Variants in AHNAK observed in about 807,000 individuals in gnomAD.
AHNAK encodes the protein neuroblast differentiation-associated protein AHNAK.
AHNAK carries 23 observed loss-of-function variants against 37.8 expected under a neutral mutation model. That is an observed-to-expected ratio of 0.61 (90% CI 0.44 to 0.86). The LOEUF is 0.86. Among genes scored for constraint, AHNAK ranks in the 40% least tolerant of loss-of-function variants. The pLI is 0.00. For synonymous variants in AHNAK, 2,481 were observed against 2,636.3 expected (o/e 0.94, Z 1.80); for missense variants, 7,411 against 7,319.4 (o/e 1.01, Z -0.46).
Position 62,528,443 on chromosome 11 carries a change from G to A in AHNAK, c.5974C>T (p.Pro1992Ser), listed in dbSNP as rs1940591758. The A allele has an allele frequency of 6.2e-7, 1 of 1,613,478 alleles. No homozygotes were observed. Reference sequence around the variant, plus strand: ...CCTTTCAGGTGTAAGTCCACATCAGGCATGGAGATCTTGGGGGTCTTGAAG... The same window carrying A: ...CCTTTCAGGTGTAAGTCCACATCAGACATGGAGATCTTGGGGGTCTTGAAG... The part of the protein sequence containing the change: ...MHFKTPKISM[P>S]DVDLHLKGPK... Residue 1992 changes from proline to serine, a missense_variant, in exon 5 of 5, where the codon CCT (proline) becomes TCT (serine). Transcript: ENST00000378024.
chr11:62,440,944 T>C (rs934023170), intron 5 of AHNAK, among the ~76,000 whole-genome samples: 2 of 151,974 alleles, frequency 1.3e-5, no homozygotes, highest in Non-Finnish European at 2.9e-5. Context: ...GACAGGTGGA[T>C]CTCTTGAGCT....
chr11:62,434,280 G>C (rs539542693), intron 5 of AHNAK, among the ~76,000 whole-genome samples: 2 of 152,264 alleles, frequency 1.3e-5, no homozygotes, highest in East Asian at 3.9e-4. Context: ...CAGCCATTAA[G>C]AAATCCCTTT....
At chr11:62,515,898 G>C, downstream of AHNAK, 1 of 1,134,228 alleles carries the variant, frequency 8.8e-7, no homozygotes, top group African/African-American at 1.6e-5. Flanking sequence ...AAAGGCACAA[G>C]ACATCAAGGT....
At chr11:62,492,302 G>A (rs1180964804) in intron 4 of AHNAK, among the ~76,000 whole-genome samples, 2 of 152,138 alleles carry the variant, frequency 1.3e-5, no homozygotes, top group Non-Finnish European at 2.9e-5. Context: ...GATACTGCGG[G>A]GCAGGGGTTC....
At chr11:62,466,480 T>A (rs1344042070) in intron 5 of AHNAK, among the ~76,000 whole-genome samples, 1 of 151,556 alleles carries the variant, frequency 6.6e-6, no homozygotes, top group East Asian at 1.9e-4. Context: ...TTTTTTTTTT[T>A]TTTTTTTTTT....
chr11:62,495,737 C>CA (rs1156362722), intron 4 of AHNAK, among the ~76,000 whole-genome samples: 2,904 of 67,328 alleles, frequency 0.043, 45 homozygotes, highest in Non-Finnish European at 0.066. Context: ...GACTCCGTCT[C>CA]AAAAAAAAAA....
Position 62,533,982 on chromosome 11 carries a change from C to A in AHNAK, c.435G>T (p.Glu145Asp). The A allele has an allele frequency of 6.2e-7, 1 of 1,609,584 alleles. No homozygotes were observed. Among genetic ancestry groups the A allele is most frequent in the Non-Finnish European group, 8.5e-7 (1 of 1,177,084 alleles). ...SEDGVEGDLG[E>D]TQSRTITVTR... The stretch of plus-strand genomic sequence containing the variant: ...TCACTGTGATGGTACGGCTCTGGGT[C>A]TCCCCGAGGTCTCCTTCCACTCCAT... Residue 145 changes from glutamate (E) to aspartate (D), a missense_variant, in exon 5 of 5, where the codon GAG becomes GAT. Coordinates refer to ENST00000378024, the MANE Select transcript of AHNAK (RefSeq NM_001620.3).
intron 1 of AHNAK, among the ~76,000 whole-genome samples, chr11:62,543,023 G>A (rs1470138802): frequency 1.3e-5 from 2 of 152,074 alleles, no homozygotes; most frequent in Admixed American, 6.5e-5. Flanking sequence ...AGCCCCGCCA[G>A]GACACGTAGC....
chr11:62,527,129 C>G lies in AHNAK; in HGVS notation c.7288G>C (p.Glu2430Gln). 6.2e-7 allele frequency: 1 copy of G among 1,613,844 alleles called. No individual in the cohort carries two copies. Among genetic ancestry groups the G allele is most frequent in the Non-Finnish European group, 8.5e-7 (1 of 1,179,894 alleles). Residue 2430 changes from glutamate (E) to glutamine (Q), a missense_variant, in exon 5 of 5, where the codon GAG becomes CAG. Physicochemically the swap from Glu to Gln is conservative, Grantham distance 29 (BLOSUM62 2). Coordinates refer to ENST00000378024, the MANE Select transcript of AHNAK (RefSeq NM_001620.3). ...VDVSGPDIDI[E>Q]GPEGKLKGPK... is the part of the protein sequence containing the mutation. ...CCTTTCAATTTGCCCTCTGGTCCCT[C>G]AATGTCAATGTCTGGCCCACTGACA...
Position 62,532,797 on chromosome 11 carries a change from T to C in AHNAK, c.1620A>G (p.Arg540=). 1 of 1,614,088 alleles carries C rather than the reference T, an allele frequency of 6.2e-7. No individual in the cohort carries two copies. The highest frequency in any genetic ancestry group is 8.5e-7 in the Non-Finnish European group (1 of 1,179,980). ...KGPQVALKGS[R]VDIETPNLEG... ...CTAGGTTTGGTGTCTCTATGTCCAC[T>C]CTGGAGCCTTTAAGTGCCACTTGAG... Residue 540 remains arginine, a synonymous_variant, in exon 5 of 5, where the codon AGA becomes AGG. Coordinates refer to ENST00000378024, the MANE Select transcript of AHNAK (RefSeq NM_001620.3).
chr11:62,542,689 T>A (rs991407160), intron 1 of AHNAK, among the ~76,000 whole-genome samples: 20 of 151,992 alleles, frequency 1.3e-4, no homozygotes, highest in African/African-American at 4.6e-4. Flanking sequence ...CTGCAATCCT[T>A]GTGAAAGGGG....
At position 62,522,100 on chromosome 11, in the gene AHNAK, T is replaced by C. The variant is rs1402289521; in HGVS notation, c.12317A>G (p.His4106Arg). Residue 4106 changes from histidine to arginine, a missense_variant, in exon 5 of 5, where the codon CAT (histidine) becomes CGT (arginine). His to Arg is a conservative substitution (Grantham distance 29). Coordinates refer to ENST00000378024, the MANE Select transcript of AHNAK (RefSeq NM_001620.3). ...GCCCTTCAGTTTCCCTTCTGGACCA[T>C]GAATATCAATATCAGGAGTGTCAAT... ...VDIDTPDIDI[H>R]GPEGKLKGPK... 6.2e-7 allele frequency: 1 copy of C among 1,613,902 alleles called. No homozygotes were observed. The highest frequency in any genetic ancestry group is 8.5e-7 in the Non-Finnish European group (1 of 1,179,988).
rs189880651 is a variant in AHNAK, at chr11:62,450,250, T to C, written c.443-16359A>G. 5.2e-3 allele frequency among the ~76,000 whole-genome samples: 787 copies of C among 152,164 alleles called. 3 individuals carry two copies. Among genetic ancestry groups the C allele is most frequent in the Non-Finnish European group, 8.0e-3 (545 of 67,992 alleles). On this transcript the variant is annotated intron_variant, in intron 5 of 5. Coordinates refer to the AHNAK transcript ENST00000257247. ...ACGGCACACGGCAACCTCTGCCTCC[T>C]GGGTTCAAGCAATTCTCCTGCCTCA...
In AHNAK at chr11:62,526,769, C is replaced by T; in HGVS notation, c.7648G>A (p.Gly2550Ser). Reference protein sequence around the residue: ...DISGPKVDIEGPDVNIEGPEG... With the variant: ...DISGPKVDIESPDVNIEGPEG... Reference sequence around the variant, plus strand: ...GGTCCTTCAATATTAACATCAGGGCCTTCAATGTCCACCTTGGGTCCTGAG... The same window carrying T: ...GGTCCTTCAATATTAACATCAGGGCTTTCAATGTCCACCTTGGGTCCTGAG... Residue 2550 changes from glycine (G) to serine (S), a missense_variant, in exon 5 of 5, where the codon GGC becomes AGC. Physicochemically the swap from Gly to Ser is moderately conservative, Grantham distance 56 (BLOSUM62 0). Transcript: ENST00000378024. 2 of 1,614,060 alleles carry T rather than the reference C, an allele frequency of 1.2e-6. No individual in the cohort carries two copies. Among genetic ancestry groups the T allele is most frequent in the Admixed American group, 1.7e-5 (1 of 60,008 alleles).
chr11:62,460,325 C>T (rs973182268), intron 5 of AHNAK, among the ~76,000 whole-genome samples: 12 of 152,154 alleles, frequency 7.9e-5, no homozygotes, highest in African/African-American at 2.9e-4. Context: ...TCCGGAGACA[C>T]GCTGCATCTG....
chr11:62,471,927 A>G (rs1267192601), intron 5 of AHNAK, among the ~76,000 whole-genome samples: 1 of 152,078 alleles, frequency 6.6e-6, no homozygotes, highest in Non-Finnish European at 1.5e-5. Flanking sequence ...GGGTGGAGAG[A>G]TAGAGGAAGG....
chr11:62,533,630 T>C lies in AHNAK; in HGVS notation c.787A>G (p.Lys263Glu), dbSNP rs764079210. Residue 263 changes from lysine (K) to glutamate (E), a missense_variant, in exon 5 of 5, where the codon AAG becomes GAG. Coordinates refer to ENST00000378024, the MANE Select transcript of AHNAK (RefSeq NM_001620.3). Reference protein sequence around the residue: ...VGGSGVNVNAKGLDLGGRGGV... With the variant: ...VGGSGVNVNAEGLDLGGRGGV... Reference sequence around the variant, plus strand: ...CCTCTGCCACCCAAGTCCAAGCCCTTTGCATTGACATTGACACCTGAGCCT... The same window carrying C: ...CCTCTGCCACCCAAGTCCAAGCCCTCTGCATTGACATTGACACCTGAGCCT... 1 of 1,614,090 alleles carries C rather than the reference T, an allele frequency of 6.2e-7. No homozygotes were observed. Among genetic ancestry groups the C allele is most frequent in the Non-Finnish European group, 8.5e-7 (1 of 1,180,010 alleles).
At chr11:62,437,455 A>C (rs1250579437) in intron 5 of AHNAK, among the ~76,000 whole-genome samples, 1 of 152,212 alleles carries the variant, frequency 6.6e-6, no homozygotes, top group African/African-American at 2.4e-5. Flanking sequence ...CCTGGGTTCA[A>C]GTGATTCTCC....
Position 62,518,566 on chromosome 11 carries a change from C to A in AHNAK, c.15851G>T (p.Gly5284Val). The A allele has an allele frequency of 2.5e-6, 4 of 1,614,212 alleles. No homozygotes were observed. Among genetic ancestry groups the A allele is most frequent in the Non-Finnish European group, 3.4e-6 (4 of 1,180,038 alleles). The change falls in exon 5 of 5, where the codon GGA (glycine) becomes GTA (valine). Residue 5284 changes from glycine (G) to valine (V), a missense_variant. Physicochemically the swap from Gly to Val is moderately radical, Grantham distance 109. Transcript: ENST00000378024. ...GAGGTTCACTGAAGGCAAGTCTACT[C>A]CTGGCCCCTTTAGAGAAACATCGGG... ...EGPDVSLKGP[G>V]VDLPSVNLSM...
Sources: allele counts gnomAD v4.1 joint callset (sites outside exome capture counted in the v4.1 genomes callset), GRCh38; gene constraint gnomAD v4.1.1; transcripts MANE v1.5; gene names NCBI Gene and HGNC (gene_info 2026-07-23, HGNC 2026-07-21).